Variants in LRRC31 observed in about 807,000 individuals in gnomAD.
LRRC31 encodes the protein leucine-rich repeat-containing protein 31.
Under a neutral mutation model 46.7 loss-of-function variants are expected in LRRC31, and 35 were observed. The observed-to-expected ratio is 0.75, with a 90% CI of 0.57 to 0.99. LRRC31 has a LOEUF of 0.99. Ranked by LOEUF, LRRC31 falls within the 50% of genes least tolerant of loss-of-function variation. LRRC31 has a pLI of 0.00. For missense variants in LRRC31, 613 were observed against 626.1 expected, an observed-to-expected ratio of 0.98 and a Z score of 0.22; for synonymous variants, 236 against 235.1, an observed-to-expected ratio of 1.00 and a Z score of -0.03.
Position 169,863,027 on chromosome 3 carries a change from C to T in LRRC31, c.176-1214G>A, listed in dbSNP as rs368308805. Among the ~76,000 whole-genome samples, 49 of 151,852 alleles carry T rather than the reference C, an allele frequency of 3.2e-4. No individual in the cohort carries two copies. The East Asian group carries it at 8.4e-3, about 26-fold the overall frequency. ...CCTCCCGAGTAGCTGGGACTACAAGCGCCTGCCACCACGCCCGGCTAATTT... is the reference window on the plus strand; with the variant it reads ...CCTCCCGAGTAGCTGGGACTACAAGTGCCTGCCACCACGCCCGGCTAATTT... On this transcript the variant is annotated intron_variant, in intron 1 of 8. Coordinates refer to ENST00000316428, the MANE Select transcript of LRRC31 (RefSeq NM_024727.4).
intron 5 of LRRC31, among the ~76,000 whole-genome samples, chr3:169,855,346 T>G (rs1780911349): frequency 6.6e-6 from 1 of 152,158 alleles, no homozygotes; most frequent in African/African-American, 2.4e-5. Context: ...GAACACACTG[T>G]GTTCACAAAA....
intron 3 of LRRC31, 57 bp from the exon 4 acceptor site, chr3:169,856,929 C>A: frequency 1.3e-6 from 2 of 1,517,748 alleles, no homozygotes; most frequent in Non-Finnish European, 1.8e-6. Context: ...GCAGGGAATT[C>A]ATTTCAGAAT....
intron 2 of LRRC31, 31 bp from the exon 3 acceptor site, chr3:169,860,759 G>A (rs1231553016): frequency 5.6e-6 from 9 of 1,597,746 alleles, no homozygotes; most frequent in South Asian, 1.1e-5. Context: ...ATACAGATAT[G>A]TGTATGTGAC....
chr3:169,840,355 C>A, intron 8 of LRRC31, 42 bp from the exon 9 acceptor site: 2 of 1,592,648 alleles, frequency 1.3e-6, no homozygotes, highest in Non-Finnish European at 1.7e-6. Flanking sequence ...TACAAGAATA[C>A]TGTCTGCCAT....
intron 1 of LRRC31, among the ~76,000 whole-genome samples, chr3:169,867,975 G>A (rs772968724): frequency 1.3e-4 from 20 of 152,194 alleles, no homozygotes; most frequent in Non-Finnish European, 1.2e-4. Flanking sequence ...TAAGACATAT[G>A]AATGTGATGG....
At position 169,842,413 on chromosome 3, in the gene LRRC31, C is replaced by T. The variant is rs1164137187; in HGVS notation, c.1328-2100G>A. 2.0e-5 allele frequency among the ~76,000 whole-genome samples: 3 copies of T among 152,176 alleles called. No individual in the cohort carries two copies. The East Asian group carries it at 5.8e-4, about 29-fold the overall frequency. On this transcript the variant is annotated intron_variant, in intron 8 of 8. Coordinates refer to ENST00000316428, the MANE Select transcript of LRRC31 (RefSeq NM_024727.4). ...TTGCCCAGGCTGGAGTGCAATGGCG[C>T]AATCTCAGCTCACTGCAACCTCCAT...
At chr3:169,866,952 ACT>A (rs1301795227) in intron 1 of LRRC31, among the ~76,000 whole-genome samples, 3 of 151,182 alleles carry the variant, frequency 2.0e-5, no homozygotes, top group Non-Finnish European at 1.5e-5. Context: ...ACGGTGCGAA[ACT>A]CTGTCTCAAA....
At position 169,840,125 on chromosome 3, in the gene LRRC31, A is replaced by G; in HGVS notation, c.1516T>C (p.Leu506=). 1 of 1,614,100 alleles carries G rather than the reference A, an allele frequency of 6.2e-7. No individual in the cohort carries two copies. The highest frequency in any genetic ancestry group is 2.2e-5 in the East Asian group (1 of 44,882). Residue 506 remains leucine (L), a synonymous_variant, in exon 9 of 9, where the codon TTA becomes CTA. Coordinates refer to ENST00000316428, the MANE Select transcript of LRRC31 (RefSeq NM_024727.4). The part of the protein sequence containing the change: ...RDCGQWFRHL[L]YAVTKLPQIT... ...TGAGGAAGCTTGGTCACAGCATATAACAAGTGTCTAAACCATTGTCCACAA... is the reference window on the plus strand; with the variant it reads ...TGAGGAAGCTTGGTCACAGCATATAGCAAGTGTCTAAACCATTGTCCACAA...
intron 5 of LRRC31, among the ~76,000 whole-genome samples, chr3:169,855,838 G>C: frequency 6.6e-6 from 1 of 151,780 alleles, no homozygotes; most frequent in African/African-American, 2.4e-5. Context: ...CATACTAAAG[G>C]CTTATTTTTA....
chr3:169,867,050 TG>T (rs57556115), intron 1 of LRRC31, among the ~76,000 whole-genome samples: 15,300 of 126,880 alleles, frequency 0.12, 2,934 homozygotes, highest in African/African-American at 0.36. Context: ...TTTTTTTGTT[TG>T]TTTGTTTGTT....
chr3:169,841,387 G>A (rs1261385083), intron 8 of LRRC31, among the ~76,000 whole-genome samples: 1 of 152,178 alleles, frequency 6.6e-6, no homozygotes. Context: ...ATGGCTTTCA[G>A]ATCAAGGAGG....
rs377359888 is a variant in LRRC31 at position 169,854,938 on chromosome 3, A to C, written c.866T>G (p.Leu289Arg). 43 of 1,612,748 alleles carry C rather than the reference A, an allele frequency of 2.7e-5. No homozygotes were observed. The African/African-American group carries it at 5.6e-4, about 21-fold the overall frequency. ...RYLGELRKLD[L>R]SCNKDLGGGF... ...TCCACCTAGATCCTTATTGCAGGAAAGATCTAATTTCCTCAGCTCACCCAA... is the reference window on the plus strand; with the variant it reads ...TCCACCTAGATCCTTATTGCAGGAACGATCTAATTTCCTCAGCTCACCCAA... The change falls in exon 6 of 9, where the codon CTT (leucine) becomes CGT (arginine). Residue 289 changes from leucine to arginine, a missense_variant. Physicochemically the swap from Leu to Arg is moderately radical, Grantham distance 102. Transcript: ENST00000316428.
chr3:169,851,851 G>C (rs1576788441), intron 6 of LRRC31, 65 bp from the exon 7 acceptor site: 1 of 1,518,238 alleles, frequency 6.6e-7, no homozygotes, highest in East Asian at 2.3e-5. Context: ...CTGGGTGTTT[G>C]GTTCCCACAA....
intron 1 of LRRC31, among the ~76,000 whole-genome samples, chr3:169,865,682 G>A (rs897130196): frequency 5.3e-5 from 8 of 152,188 alleles, no homozygotes; most frequent in South Asian, 2.1e-4. Flanking sequence ...GTGGAGGCAC[G>A]CAGGGGTGTG....
chr3:169,863,823 G>A (rs1781245053), intron 1 of LRRC31, among the ~76,000 whole-genome samples: 2 of 152,166 alleles, frequency 1.3e-5, no homozygotes. Context: ...TTTGGGTGGG[G>A]CAGAGCAGAA....
chr3:169,854,960 C>A lies in LRRC31; in HGVS notation c.844G>T (p.Gly282Cys). 1 of 1,610,652 alleles carries A rather than the reference C, an allele frequency of 6.2e-7. No individual in the cohort carries two copies. The highest frequency in any genetic ancestry group is 8.5e-7 in the Non-Finnish European group (1 of 1,179,790). Residue 282 changes from glycine to cysteine, a missense_variant, in exon 6 of 9, where the codon GGT becomes TGT. Physicochemically the swap from Gly to Cys is radical, Grantham distance 159. Coordinates refer to ENST00000316428, the MANE Select transcript of LRRC31 (RefSeq NM_024727.4). ...GAAAGATCTAATTTCCTCAGCTCAC[C>A]CAAATACCTAAAAGCAGCATCTACA... ...KILDAAFRYL[G>C]ELRKLDLSCN...
intron 4 of LRRC31, 28 bp from the exon 5 acceptor site, chr3:169,856,531 G>A (rs1576793575): frequency 6.4e-7 from 1 of 1,571,188 alleles, no homozygotes. Flanking sequence ...CAAATAAGAA[G>A]GGTAGGTAGG....
At chr3:169,852,207 G>A (rs1005446952) in intron 6 of LRRC31, among the ~76,000 whole-genome samples, 3 of 150,110 alleles carry the variant, frequency 2.0e-5, no homozygotes, top group African/African-American at 7.4e-5. Context: ...GACCATCCTG[G>A]CTAACACGGT....
At chr3:169,860,815 A>G in intron 2 of LRRC31, 87 bp from the exon 3 acceptor site, 1 of 1,355,776 alleles carries the variant, frequency 7.4e-7, no homozygotes, top group Non-Finnish European at 1.0e-6. Context: ...TACACAGGAT[A>G]TAGTTTTACA....
Sources: gnomAD v4.1 joint callset for allele counts (sites outside exome capture counted in the v4.1 genomes callset) on GRCh38, gnomAD v4.1.1 for gene constraint, MANE v1.5 for transcripts, NCBI Gene and HGNC (gene_info 2026-07-23, HGNC 2026-07-21) for gene names.